The following MYZAP variants were observed in gnomAD, a reference collection of about 807,000 sequenced individuals.
MYZAP encodes myocardial zonula adherens protein.
MYZAP carries 66 observed loss-of-function variants against 69.4 expected under a neutral mutation model. That is an observed-to-expected ratio of 0.95 (90% CI 0.78 to 1.17). MYZAP has a LOEUF of 1.17. MYZAP is among the 50% of genes most tolerant of loss of function. The pLI, the probability that MYZAP is intolerant of heterozygous loss-of-function variation, is 0.00. For synonymous variants in MYZAP, 256 were observed against 205.9 expected, an observed-to-expected ratio of 1.24 and a Z score of -2.09; for missense variants, 611 against 556.2, an observed-to-expected ratio of 1.10 and a Z score of -0.99.
Position 57,674,987 on chromosome 15 carries a change from G to T in MYZAP, c.1223G>T (p.Arg408Met). Residue 408 changes from arginine to methionine, a missense_variant, in exon 12 of 13, where the codon AGG (arginine) becomes ATG (methionine). Arg to Met is a moderately conservative substitution (Grantham distance 91). Transcript: ENST00000267853. ...LEGENNELQS[R>M]LDYLTETQAK... is the part of the protein sequence containing the mutation. ...CTCCAGAATAATGAACTACAAAGCA[G>T]GTTGGACTATTTAACAGAAACCCAG... The T allele has an allele frequency of 6.8e-6, 11 of 1,613,520 alleles. No individual in the cohort carries two copies. The highest frequency in any genetic ancestry group is 8.5e-6 in the Non-Finnish European group (10 of 1,179,566).
intron 2 of MYZAP, among the ~76,000 whole-genome samples, chr15:57,604,889 A>AT (rs2034650331): frequency 6.6e-6 from 1 of 152,182 alleles, no homozygotes; most frequent in African/African-American, 2.4e-5. Context: ...GGCCGTGAAG[A>AT]TAAGTATGTC....
At chr15:57,643,500 C>T (rs1345450867) in intron 10 of MYZAP, among the ~76,000 whole-genome samples, 1 of 152,194 alleles carries the variant, frequency 6.6e-6, no homozygotes, top group Non-Finnish European at 1.5e-5. Flanking sequence ...CCACAGTGCC[C>T]CTCTGCTCAC....
At chr15:57,638,966 G>A (rs1450012816) in intron 9 of MYZAP, among the ~76,000 whole-genome samples, 1 of 152,098 alleles carries the variant, frequency 6.6e-6, no homozygotes, top group African/African-American at 2.4e-5. Context: ...CTCAGCCCCT[G>A]GAAAATAATC....
chr15:57,642,208 G>A (rs957753392), intron 10 of MYZAP, among the ~76,000 whole-genome samples: 1 of 152,230 alleles, frequency 6.6e-6, no homozygotes, highest in Non-Finnish European at 1.5e-5. Flanking sequence ...CTTAAAGACT[G>A]TGTGGAGGAA....
chr15:57,678,413 A>T lies in MYZAP; in HGVS notation c.1304+3345A>T, dbSNP rs8039426. 1.3e-3 allele frequency among the ~76,000 whole-genome samples: 202 copies of T among 152,290 alleles called. 1 individual carries two copies. Among genetic ancestry groups the T allele is most frequent in the African/African-American group, 4.7e-3 (196 of 41,572 alleles). ...GAAAGCATTTTAGCATGGTAACTGGACCAGAGTTAAGCACTTAATAACTAA... is the reference window on the plus strand; with the variant it reads ...GAAAGCATTTTAGCATGGTAACTGGTCCAGAGTTAAGCACTTAATAACTAA... On this transcript the variant is annotated intron_variant, in intron 12 of 12. Transcript: ENST00000267853.
intron 10 of MYZAP, among the ~76,000 whole-genome samples, chr15:57,641,734 A>G (rs1169710590): frequency 6.6e-6 from 1 of 152,254 alleles, no homozygotes; most frequent in African/African-American, 2.4e-5. Flanking sequence ...TTTGCCCAGC[A>G]TACTACATTA....
At chr15:57,630,726 G>A (rs1377299126) in intron 6 of MYZAP, among the ~76,000 whole-genome samples, 1 of 152,192 alleles carries the variant, frequency 6.6e-6, no homozygotes, top group Admixed American at 6.5e-5. Context: ...AATGGCTCCT[G>A]GAGGGCACTT....
chr15:57,593,076 T>C (rs1321275430), intron 1 of MYZAP, among the ~76,000 whole-genome samples: 2 of 152,092 alleles, frequency 1.3e-5, no homozygotes, highest in Non-Finnish European at 2.9e-5. Flanking sequence ...TTATAAGCTG[T>C]CTTTCTTAGC....
intron 1 of MYZAP, 113 bp from the exon 2 acceptor site, chr15:57,604,156 C>A: frequency 8.9e-7 from 1 of 1,118,190 alleles, no homozygotes; most frequent in Non-Finnish European, 1.3e-6. Context: ...ATGATCAGGA[C>A]AGTGTTCCCC....
chr15:57,647,017 G>A (rs1457293554), intron 10 of MYZAP: 4 of 985,326 alleles, frequency 4.1e-6, no homozygotes, highest in Middle Eastern at 1.0e-3. Context: ...TGGGTGGCAT[G>A]AGTCTACATA....
intron 10 of MYZAP, chr15:57,647,557 G>A: frequency 2.0e-6 from 2 of 985,464 alleles, no homozygotes; most frequent in Non-Finnish European, 2.4e-6. Flanking sequence ...ACCCATGTAA[G>A]TCCTGCTTTC....
At chr15:57,619,405 T>A (rs2035674323) in intron 3 of MYZAP, among the ~76,000 whole-genome samples, 1 of 152,206 alleles carries the variant, frequency 6.6e-6, no homozygotes, top group Non-Finnish European at 1.5e-5. Context: ...CAGGCTGGAG[T>A]GCAGTGGCAC....
intron 4 of MYZAP, among the ~76,000 whole-genome samples, chr15:57,624,795 G>A (rs1303046859): frequency 1.3e-5 from 2 of 152,126 alleles, no homozygotes; most frequent in African/African-American, 2.4e-5. Flanking sequence ...ACACACTGCT[G>A]AACACAAAGC....
chr15:57,618,724 A>G (rs1286678889), intron 3 of MYZAP, among the ~76,000 whole-genome samples: 3 of 152,252 alleles, frequency 2.0e-5, no homozygotes, highest in African/African-American at 4.8e-5. Flanking sequence ...AGAAAATAAA[A>G]TCACTCATAA....
intron 1 of MYZAP, among the ~76,000 whole-genome samples, chr15:57,601,235 G>C (rs974756102): frequency 6.6e-6 from 1 of 151,814 alleles, no homozygotes; most frequent in African/African-American, 2.4e-5. Context: ...CTGTGTATGT[G>C]TGTATGTGTG....
At chr15:57,617,746 C>T (rs1481648932) in intron 2 of MYZAP, among the ~76,000 whole-genome samples, 2 of 152,182 alleles carry the variant, frequency 1.3e-5, no homozygotes, top group Non-Finnish European at 2.9e-5. Context: ...ACTAGGACAA[C>T]GCAAGTCCGT....
At chr15:57,673,443 C>T (rs979346070) in intron 11 of MYZAP, among the ~76,000 whole-genome samples, 97 of 145,420 alleles carry the variant, frequency 6.7e-4, no homozygotes, top group African/African-American at 2.3e-3. Flanking sequence ...TCTGTCTGCA[C>T]GTGTGCGCAT....
At chr15:57,646,552 T>C (rs907416990) in intron 10 of MYZAP, 13 of 1,014,776 alleles carry the variant, frequency 1.3e-5, no homozygotes, top group African/African-American at 1.0e-4. Flanking sequence ...TCCTTACTTA[T>C]GGAAAAGCTG....
At chr15:57,609,265 A>G (rs1479583488) in intron 2 of MYZAP, among the ~76,000 whole-genome samples, 1 of 152,216 alleles carries the variant, frequency 6.6e-6, no homozygotes, top group Admixed American at 6.5e-5. Flanking sequence ...TAGGGCTGCC[A>G]CAGCAAAGCA....
Sources: gnomAD v4.1 joint callset for allele counts (sites outside exome capture counted in the v4.1 genomes callset) on GRCh38, gnomAD v4.1.1 for gene constraint, MANE v1.5 for transcripts, NCBI Gene and HGNC (gene_info 2026-07-23, HGNC 2026-07-21) for gene names.